Variants in PPP2R3B observed in about 807,000 individuals in gnomAD.
PPP2R3B encodes serine/threonine-protein phosphatase 2A regulatory subunit B'' subunit beta.
PPP2R3B carries 68 observed loss-of-function variants against 72.9 expected under a neutral mutation model. That is an observed-to-expected ratio of 0.93 (90% CI 0.77 to 1.14). The LOEUF (loss-of-function observed/expected upper bound fraction) is 1.14, where lower values mean the gene tolerates loss of function less well. PPP2R3B is among the 50% of genes most tolerant of loss of function. The pLI is 0.00. For missense variants in PPP2R3B, 1,018 were observed against 842.0 expected, an observed-to-expected ratio of 1.21 and a Z score of -2.59; for synonymous variants, 466 against 375.8, an observed-to-expected ratio of 1.24 and a Z score of -2.78.
At chrX:340,336 G>A (rs1029405413) in intron 10 of PPP2R3B, among the ~76,000 whole-genome samples, 19 of 151,162 alleles carry the variant, frequency 1.3e-4, no homozygotes, top group African/African-American at 3.9e-4. Flanking sequence ...GGGGGGTGTC[G>A]ACGCCCCGAA....
rs1459823674 is a variant in PPP2R3B, at chrX:386,547, G to A, written c.145C>T (p.Pro49Ser). 3 of 1,433,070 alleles carry A rather than the reference G, an allele frequency of 2.1e-6. No individual in the cohort carries two copies. The highest frequency in any genetic ancestry group is 3.1e-5 in the East Asian group (1 of 31,750). The allele number at this position is 1,433,070 out of a possible 1,614,324, so 88.8% of individuals were successfully genotyped here. A position where few individuals can be genotyped will look rare whatever the true frequency, so the allele number is the denominator to read the frequency against. Residue 49 changes from proline to serine, a missense_variant, in exon 1 of 13, where the codon CCG becomes TCG. By Grantham distance (74) the Pro-to-Ser change is moderately conservative. Transcript: ENST00000390665. Reference protein sequence around the residue: ...IKAPGRDQPTPGDGEQPGAWP... With the variant: ...IKAPGRDQPTSGDGEQPGAWP... ...GCCCCGGGCTGCTCCCCGTCCCCCG[G>A]GGTCGGCTGGTCCCGCCCGGGCGCC...
At chrX:347,790 T>G (rs1233862968) in intron 2 of PPP2R3B, 97 bp from the exon 3 acceptor site, 2 of 882,334 alleles carry the variant, frequency 2.3e-6, no homozygotes, top group African/African-American at 3.4e-5. Context: ...CCAGAGACCC[T>G]CTGCTGCAGA....
chrX:355,612 C>A (rs1301904666), intron 2 of PPP2R3B, among the ~76,000 whole-genome samples: 1 of 152,212 alleles, frequency 6.6e-6, no homozygotes, highest in African/African-American at 2.4e-5. Flanking sequence ...GCCCTCCACA[C>A]ACGCACATGG....
intron 6 of PPP2R3B, 106 bp downstream of exon 6, chrX:346,067 GA>G (rs2071201178): frequency 1.3e-5 from 7 of 535,586 alleles, no homozygotes; most frequent in East Asian, 6.8e-5. Context: ...GGGGGTGGGA[GA>G]GGGGGTGGGA....
chrX:355,472 C>T (rs2738395), intron 2 of PPP2R3B, among the ~76,000 whole-genome samples: 43,416 of 151,894 alleles, frequency 0.29, 6,661 homozygotes, highest in East Asian at 0.38. Flanking sequence ...GTCGTAGCAA[C>T]GGAGGGACCG....
chrX:372,661 G>A (rs774574836), intron 1 of PPP2R3B, among the ~76,000 whole-genome samples: 2 of 152,322 alleles, frequency 1.3e-5, no homozygotes, highest in East Asian at 1.9e-4. Context: ...TGAGAACTGA[G>A]ATTAAATTTC....
chrX:372,539 C>G lies in PPP2R3B; in HGVS notation c.325-10949G>C, dbSNP rs2071888778. ...CCAAACCCTAAATTCTCAAATTATA[C>G]TGGGATTGTCACAGGAAGACTCTTA... On this transcript the variant is annotated intron_variant, in intron 1 of 12. Transcript: ENST00000390665. 2.0e-5 allele frequency among the ~76,000 whole-genome samples: 3 copies of G among 152,198 alleles called. 1 individual carries two copies. The highest frequency in any genetic ancestry group is 2.0e-4 in the Admixed American group (3 of 15,278).
chrX:363,373 C>CCCACAGTGCATCTCCCCGTGCCCACG (rs2071589887), intron 1 of PPP2R3B, among the ~76,000 whole-genome samples: 2 of 1,072 alleles, frequency 1.9e-3, no homozygotes, highest in African/African-American at 3.0e-3. Flanking sequence ...CCGAGCCCAC[C>CCCACAGTGCATCTCCCCGTGCCCACG]ATCCCACAGT....
At chrX:383,847 AAAAAAAAAAAAAAAAAAAAACC>A (rs1351866433) in intron 1 of PPP2R3B, among the ~76,000 whole-genome samples, 1 of 113,990 alleles carries the variant, frequency 8.8e-6, no homozygotes, top group South Asian at 2.5e-4. Context: ...CAAAAAAAAA[AAAAAAAAAAAAAAAAAAAAACC>A]AAAAAAACAA....
intron 1 of PPP2R3B, among the ~76,000 whole-genome samples, chrX:367,719 T>G (rs915590751): frequency 1.3e-5 from 2 of 152,202 alleles, no homozygotes; most frequent in African/African-American, 4.8e-5. Flanking sequence ...TCGACCTCAA[T>G]GCACCGAGTG....
rs201390964 is a variant in PPP2R3B at position 334,418 on chromosome X, G to A, written c.1677C>T (p.Ala559=). Residue 559 remains alanine (A), a synonymous_variant, in exon 13 of 13, where the codon GCC becomes GCT. Coordinates refer to ENST00000390665, the MANE Select transcript of PPP2R3B (RefSeq NM_013239.5). ...CGCATGCGTACTCGTACAGGTCCAC[G>A]GCGCCCAGCGGTGAGGGCGCCTCGA... ...PFFEAPSPLG[A]VDLYEYACGD... is the part of the protein sequence containing the mutation. The A allele has an allele frequency of 3.9e-5, 62 of 1,591,420 alleles. No homozygotes were observed. Among genetic ancestry groups the A allele is most frequent in the East Asian group, 1.4e-4 (6 of 44,120 alleles).
At chrX:351,117 A>G (rs1341607836) in intron 2 of PPP2R3B, among the ~76,000 whole-genome samples, 1 of 152,090 alleles carries the variant, frequency 6.6e-6, no homozygotes, top group African/African-American at 2.4e-5. Context: ...GATGACTTGA[A>G]GGCAGCCGTG....
chrX:344,173 A>G lies in PPP2R3B; in HGVS notation c.1036+1343T>C, dbSNP rs375114463. 1.9e-3 allele frequency among the ~76,000 whole-genome samples: 172 copies of G among 88,786 alleles called. 42 individuals carry two copies. The highest frequency in any genetic ancestry group is 7.0e-3 in the South Asian group (13 of 1,864). 58.2% of individuals were successfully genotyped at this position (88,786 alleles called of 152,430 possible). A position where few individuals can be genotyped will look rare whatever the true frequency, so the allele number is the denominator to read the frequency against. The stretch of plus-strand genomic sequence containing the variant: ...CAACGGGAGGCGGGAGGGAGACCTC[A>G]CCAACGGGAGGCGGGAGTGAGACCT... On this transcript the variant is annotated intron_variant, in intron 7 of 12. Transcript: ENST00000390665.
At chrX:347,530 C>T (rs1474866173) in intron 3 of PPP2R3B, 60 bp downstream of exon 3, 21 of 1,513,198 alleles carry the variant, frequency 1.4e-5, no homozygotes, top group South Asian at 3.6e-5. Context: ...CCTGGCACCA[C>T]GGGGACCCGG....
rs1176136219 is a variant in PPP2R3B at position 334,458 on chromosome X, G to A, written c.1637C>T (p.Ala546Val). 2.5e-6 allele frequency: 4 copies of A among 1,595,498 alleles called. No individual in the cohort carries two copies. Among genetic ancestry groups the A allele is most frequent in the East Asian group, 2.3e-5 (1 of 44,224 alleles). The change falls in exon 13 of 13, where the codon GCC becomes GTC. Residue 546 changes from alanine to valine, a missense_variant. By Grantham distance (64) the Ala-to-Val change is moderately conservative. Coordinates refer to ENST00000390665, the MANE Select transcript of PPP2R3B (RefSeq NM_013239.5). ...GGGCGCCTCGAAGAAGGGCCTCTGGGCCAGCGGGGAGCGCAGCGCACTCAG... is the reference window on the plus strand; with the variant it reads ...GGGCGCCTCGAAGAAGGGCCTCTGGACCAGCGGGGAGCGCAGCGCACTCAG... ...QKLSALRSPLAQRPFFEAPSP... is the reference protein window; with the variant it reads ...QKLSALRSPLVQRPFFEAPSP...
chrX:347,780 C>T, intron 2 of PPP2R3B, 87 bp from the exon 3 acceptor site: 1 of 956,860 alleles, frequency 1.0e-6, no homozygotes, highest in East Asian at 2.7e-5. Context: ...CCGACGCCGC[C>T]CAGAGACCCT....
rs746951555 is a variant in PPP2R3B, at chrX:334,652, G to A, written c.1578-135C>T. 3.7e-5 allele frequency: 39 copies of A among 1,056,064 alleles called. No homozygotes were observed. In the East Asian group the frequency reaches 6.5e-4, roughly 17 times the overall value. 65.4% of individuals were successfully genotyped at this position (1,056,064 alleles called of 1,614,324 possible). ...CCTGAGCCGACCTTGAGCTCCAGCC[G>A]CTGAGCCAGCAACGCGCTCCTGGCT... On this transcript the variant is annotated intron_variant, in intron 12 of 12. Transcript: ENST00000390665.
At chrX:341,634 C>T in intron 8 of PPP2R3B, 1 of 643,282 alleles carries the variant, frequency 1.6e-6, no homozygotes, top group Non-Finnish European at 2.7e-6. Flanking sequence ...CACTCAGGCC[C>T]AGCGCCCGAC....
Position 339,277 on chromosome X carries a change from G to T in PPP2R3B, c.1352-381C>A, listed in dbSNP as rs1038108981. Among the ~76,000 whole-genome samples, 5 of 149,628 alleles carry T rather than the reference G, an allele frequency of 3.3e-5. 1 individual carries two copies. In the East Asian group the frequency reaches 6.1e-4, roughly 18 times the overall value. On this transcript the variant is annotated intron_variant, in intron 10 of 12. Transcript: ENST00000390665. Reference sequence around the variant, plus strand: ...AGCAGGAGGCGCCCCATGGCCGGGGGGGGCAGGGCTGCAGGGCGGTGCCCG... The same window carrying T: ...AGCAGGAGGCGCCCCATGGCCGGGGTGGGCAGGGCTGCAGGGCGGTGCCCG...
Sources: allele counts gnomAD v4.1 joint callset (sites outside exome capture counted in the v4.1 genomes callset), GRCh38; gene constraint gnomAD v4.1.1; transcripts MANE v1.5; gene names NCBI Gene and HGNC (gene_info 2026-07-23, HGNC 2026-07-21).